Variants in BIRC6 observed in about 807,000 individuals in gnomAD.
BIRC6 encodes dual E2 ubiquitin-conjugating enzyme/E3 ubiquitin-protein ligase BIRC6.
In BIRC6, 98 loss-of-function variants were observed where a neutral mutation model predicts 503.3. The ratio of observed to expected loss-of-function variants is 0.19; its 90% CI spans 0.17 to 0.23. BIRC6 has a LOEUF of 0.23. BIRC6 is among the 10% of genes least tolerant of loss of function. The pLI is 1.00. For synonymous variants in BIRC6, 2,240 were observed against 2,078.7 expected (o/e 1.08, Z -2.11); for missense variants, 5,360 against 5,806.0 (o/e 0.92, Z 2.50).
At chr2:32,443,667 C>T (rs1333713891) in intron 20 of BIRC6, 79 bp downstream of exon 20, 3 of 1,112,184 alleles carry the variant, frequency 2.7e-6, no homozygotes, top group Non-Finnish European at 3.8e-6. Context: ...TATTTCATAA[C>T]TACTTTTTCT....
rs138222460 is a variant in BIRC6, at chr2:32,401,507, A to T, written c.1302A>T (p.Val434=). The T allele has an allele frequency of 2.6e-4, 417 of 1,614,034 alleles. No individual in the cohort carries two copies. Among genetic ancestry groups the T allele is most frequent in the Non-Finnish European group, 3.2e-4 (382 of 1,179,888 alleles). Residue 434 remains valine, a synonymous_variant, in exon 8 of 74, where the codon GTA becomes GTT. Coordinates refer to ENST00000421745, the MANE Select transcript of BIRC6 (RefSeq NM_016252.4). ...FEINAYDPAI[V]QQLILSGDPS... ...TTAATGCCTATGATCCAGCAATTGTACAACAGCTTATTCTATCAGGAGACC... is the reference window on the plus strand; with the variant it reads ...TTAATGCCTATGATCCAGCAATTGTTCAACAGCTTATTCTATCAGGAGACC...
chr2:32,500,822 C>G (rs1283609205), intron 46 of BIRC6, among the ~76,000 whole-genome samples: 2 of 151,914 alleles, frequency 1.3e-5, no homozygotes, highest in Admixed American at 1.3e-4. Context: ...GCAAGCTGGT[C>G]TTGAACTCCT....
At chr2:32,557,142 A>G (rs1032324983) in intron 65 of BIRC6, 1 of 152,226 alleles carries the variant, frequency 6.6e-6, no homozygotes, top group African/African-American at 2.4e-5. Context: ...ACCAAAAGTC[A>G]CGCTAAGGCT....
chr2:32,359,201 TGTA>T lies in BIRC6; in HGVS notation c.325+1719_325+1721del, dbSNP rs373859482. Among the ~76,000 whole-genome samples, 82 of 152,360 alleles carry T rather than the reference TGTA, an allele frequency of 5.4e-4. 2 individuals are homozygous for T. The East Asian group carries it at 0.014, about 26-fold the overall frequency. On this transcript the variant is annotated intron_variant, in intron 1 of 73. Coordinates refer to ENST00000421745, the MANE Select transcript of BIRC6 (RefSeq NM_016252.4). The stretch of plus-strand genomic sequence containing the variant: ...CTAGTATATGTTTCTATCTTGAGGA[TGTA>T]GTATTTTTGTGATTTTTAACTTGGA...
Position 32,561,914 on chromosome 2 carries a change from C to T in BIRC6, c.13144+12433C>T, listed in dbSNP as rs1243796226. Among the ~76,000 whole-genome samples the T allele has an allele frequency of 3.3e-5, 5 of 151,674 alleles. No homozygotes were observed. In the East Asian group the frequency reaches 5.8e-4, roughly 18 times the overall value. On this transcript the variant is annotated intron_variant, in intron 65 of 73. Transcript: ENST00000421745. ...AAAACTAGCCAGGCGTGGTGGTGGG[C>T]CCCTGTAATCGCAGCTACTCGGGAG... is the stretch of plus-strand genomic sequence containing the variant.
Position 32,488,640 on chromosome 2 carries a change from C to A in BIRC6, c.8021C>A (p.Thr2674Asn). The A allele has an allele frequency of 6.6e-7, 1 of 1,517,184 alleles. No individual in the cohort carries two copies. Among genetic ancestry groups the A allele is most frequent in the South Asian group, 1.2e-5 (1 of 82,464 alleles). The allele number at this position is 1,517,184 out of a possible 1,614,324, so 94.0% of individuals were successfully genotyped here. ...ACACTGAGCCTGAATTCTAGTTCAA[C>A]TGGAAACAAAGAAAATGGAGCAGAC... The part of the protein sequence containing the change: ...WLTLSLNSSS[T>N]GNKENGADIF... The change falls in exon 42 of 74, where the codon ACT becomes AAT. Residue 2674 changes from threonine (T) to asparagine (N), a missense_variant. This residue lies in a region of BIRC6 where 2,299 missense variants were observed against 2,267.2 expected (regional missense o/e 1.01). Transcript: ENST00000421745.
chr2:32,602,889 G>A, intron 70 of BIRC6, 117 bp from the exon 71 acceptor site: 2 of 742,826 alleles, frequency 2.7e-6, no homozygotes, highest in South Asian at 4.4e-5. Context: ...TTTATCTAGG[G>A]GACATATAAA....
intron 23 of BIRC6, among the ~76,000 whole-genome samples, 199 bp from the exon 24 acceptor site, chr2:32,462,995 C>T (rs2048169765): frequency 6.6e-6 from 1 of 150,570 alleles, no homozygotes; most frequent in Non-Finnish European, 1.5e-5. Flanking sequence ...TTTCCTAGAT[C>T]TTGAATGATA....
Position 32,575,225 on chromosome 2 carries a change from G to A in BIRC6, c.13214G>A (p.Cys4405Tyr). The A allele has an allele frequency of 6.2e-7, 1 of 1,614,002 alleles. No homozygotes were observed. Among genetic ancestry groups the A allele is most frequent in the Non-Finnish European group, 8.5e-7 (1 of 1,179,894 alleles). The change falls in exon 66 of 74, where the codon TGT (cysteine) becomes TAT (tyrosine). Residue 4405 changes from cysteine to tyrosine, a missense_variant. Around this residue, in one of 16 missense-constraint regions of BIRC6, gnomAD observed 477 missense variants for 574.4 expected, o/e 0.83. Transcript: ENST00000421745. The stretch of plus-strand genomic sequence containing the variant: ...GAATTGCTTCGGGCCATTGCTTCTT[G>A]TGCTGCCATGGTGCCCCTATTGTTG... ...LLELLRAIAS[C>Y]AAMVPLLLPL...
intron 61 of BIRC6, among the ~76,000 whole-genome samples, chr2:32,542,407 G>A (rs554995591): frequency 4.9e-4 from 75 of 152,154 alleles, no homozygotes; most frequent in Admixed American, 7.2e-4. Context: ...CTTTAATGGC[G>A]TCTCAGAGAC....
chr2:32,421,596 G>A (rs2042962681), intron 10 of BIRC6, among the ~76,000 whole-genome samples: 1 of 152,136 alleles, frequency 6.6e-6, no homozygotes, highest in South Asian at 2.1e-4. Flanking sequence ...TTGGCCCAGA[G>A]ATTATTTAAA....
At chr2:32,539,344 T>G (rs1003199544) in intron 61 of BIRC6, among the ~76,000 whole-genome samples, 4 of 152,214 alleles carry the variant, frequency 2.6e-5, no homozygotes, top group Non-Finnish European at 4.4e-5. Flanking sequence ...AACTTCTAGA[T>G]GGACGTAACC....
At chr2:32,475,759 A>G (rs1050111722) in intron 33 of BIRC6, among the ~76,000 whole-genome samples, 3 of 152,166 alleles carry the variant, frequency 2.0e-5, no homozygotes, top group African/African-American at 4.8e-5. Flanking sequence ...TTCTTAAGCT[A>G]CATTGTAGCA....
intron 33 of BIRC6, among the ~76,000 whole-genome samples, chr2:32,475,159 TAAAAAAAAAAA>T (rs11394641): frequency 8.8e-6 from 1 of 114,220 alleles, no homozygotes; most frequent in East Asian, 2.5e-4. Flanking sequence ...AAGACTATCT[TAAAAAAAAAAA>T]AAAAAAAAAA....
chr2:32,572,885 C>T (rs139549635), intron 65 of BIRC6, among the ~76,000 whole-genome samples: 73 of 152,256 alleles, frequency 4.8e-4, no homozygotes, highest in African/African-American at 1.7e-3. Flanking sequence ...CTCTATTTTA[C>T]ATCAGTTGTA....
intron 49 of BIRC6, among the ~76,000 whole-genome samples, chr2:32,504,146 AC>A (rs955374162): frequency 2.7e-5 from 4 of 145,640 alleles, no homozygotes. Context: ...GTGATCCCCC[AC>A]CTTGGCCTCC....
chr2:32,613,044 C>A (rs886666876), intron 73 of BIRC6, among the ~76,000 whole-genome samples: 2 of 152,084 alleles, frequency 1.3e-5, no homozygotes, highest in African/African-American at 2.4e-5. Context: ...CCCTGGCTCA[C>A]TTCTCCATTC....
chr2:32,502,435 A>G (rs1026617481), intron 47 of BIRC6, among the ~76,000 whole-genome samples: 2 of 152,204 alleles, frequency 1.3e-5, no homozygotes, highest in Non-Finnish European at 2.9e-5. Context: ...TATGTCTTTT[A>G]TATAGCAGTG....
rs564495319 is a variant in BIRC6, at chr2:32,549,254, C to T, written c.12976-59C>T. 2.3e-5 allele frequency: 29 copies of T among 1,247,352 alleles called. No homozygotes were observed. In the African/African-American group the frequency reaches 3.9e-4, roughly 17 times the overall value. The allele number at this position is 1,247,352 out of a possible 1,614,324, so 77.3% of individuals were successfully genotyped here. On this transcript the variant is annotated intron_variant, in intron 64 of 73. Coordinates refer to ENST00000421745, the MANE Select transcript of BIRC6 (RefSeq NM_016252.4). ...GTATTCAGATTGAATTTCTAACCTA[C>T]AATAAAAACTTTTGAAGTATGTGAA...
Sources: allele counts gnomAD v4.1 joint callset (sites outside exome capture counted in the v4.1 genomes callset), GRCh38; gene constraint gnomAD v4.1.1; regional missense constraint gnomAD v4.1.1; transcripts MANE v1.5; gene names NCBI Gene and HGNC (gene_info 2026-07-23, HGNC 2026-07-21).